RERE: variants seen among roughly 807,000 people sequenced by gnomAD.
The protein encoded by RERE is arginine-glutamic acid dipeptide repeats, also known as arginine-glutamic acid dipeptide repeats protein.
RERE carries 40 observed loss-of-function variants against 146.1 expected under a neutral mutation model. The observed-to-expected ratio is 0.27, with a 90% CI of 0.21 to 0.36. RERE has a LOEUF of 0.36. Ranked by LOEUF, RERE falls within the 10% of genes least tolerant of loss-of-function variation. The pLI, the probability that RERE is intolerant of heterozygous loss-of-function variation, is 1.00. For missense variants in RERE, 1,933 were observed against 2,138.7 expected (o/e 0.90, Z 1.90); for synonymous variants, 1,003 against 866.0 (o/e 1.16, Z -2.78).
intron 1 of RERE, among the ~76,000 whole-genome samples, chr1:8,730,717 C>A (rs1272506236): frequency 1.3e-5 from 2 of 152,212 alleles, no homozygotes; most frequent in African/African-American, 4.8e-5. Flanking sequence ...CAGCTCACTG[C>A]ACCATCTACC....
chr1:8,518,056 G>T (rs554028570), intron 7 of RERE, among the ~76,000 whole-genome samples: 2 of 152,318 alleles, frequency 1.3e-5, no homozygotes, highest in Non-Finnish European at 2.9e-5. Context: ...TCTTCACCCT[G>T]AAGAAAGGGG....
intron 6 of RERE, among the ~76,000 whole-genome samples, chr1:8,542,253 G>T (rs1024428101): frequency 2.6e-5 from 4 of 152,076 alleles, no homozygotes; most frequent in Non-Finnish European, 5.9e-5. Context: ...CTACAGTGAG[G>T]TTAGATGGAA....
intron 4 of RERE, among the ~76,000 whole-genome samples, chr1:8,609,422 T>G (rs1400528852): frequency 6.6e-6 from 1 of 151,802 alleles, no homozygotes; most frequent in African/African-American, 2.4e-5. Flanking sequence ...GTAATCATCT[T>G]TCATTTAGGG....
intron 6 of RERE, among the ~76,000 whole-genome samples, chr1:8,548,749 C>G (rs1412105826): frequency 6.6e-6 from 1 of 152,210 alleles, no homozygotes; most frequent in East Asian, 1.9e-4. Flanking sequence ...CCTCGGGAGG[C>G]TGAGGCGGGT....
chr1:8,659,840 C>G (rs573696769), intron 1 of RERE, among the ~76,000 whole-genome samples: 1 of 152,282 alleles, frequency 6.6e-6, no homozygotes, highest in South Asian at 2.1e-4. Flanking sequence ...ATTGTACATT[C>G]AACACTACTC....
chr1:8,706,844 T>C (rs1639569693), intron 1 of RERE, among the ~76,000 whole-genome samples: 1 of 152,218 alleles, frequency 6.6e-6, no homozygotes, highest in Non-Finnish European at 1.5e-5. Context: ...TGTAAATTAC[T>C]TTGTGAAGAG....
intron 12 of RERE, among the ~76,000 whole-genome samples, chr1:8,370,025 C>T (rs1229641752): frequency 4.6e-5 from 7 of 151,966 alleles, no homozygotes; most frequent in African/African-American, 7.3e-5. Context: ...CTCCTGACCT[C>T]GTTATTTGCC....
intron 7 of RERE, chr1:8,511,739 T>G (rs1437614209): frequency 6.6e-6 from 1 of 151,622 alleles, no homozygotes; most frequent in Non-Finnish European, 1.5e-5. Context: ...TAAGTATCCC[T>G]CCCCTGCTGC....
chr1:8,648,170 A>G (rs1180829116), intron 2 of RERE, among the ~76,000 whole-genome samples: 3 of 152,186 alleles, frequency 2.0e-5, no homozygotes, highest in African/African-American at 7.2e-5. Context: ...AAAATTTTCT[A>G]TAAAAGGAAT....
chr1:8,355,311 T>C, intron 22 of RERE, 108 bp downstream of exon 22: 1 of 1,316,094 alleles, frequency 7.6e-7, no homozygotes, highest in Non-Finnish European at 1.1e-6. Flanking sequence ...CAATGTCCCC[T>C]CCAGGGCCCA....
chr1:8,464,194 ATAAAGT>A (rs756904346), intron 11 of RERE, among the ~76,000 whole-genome samples: 125 of 152,320 alleles, frequency 8.2e-4, no homozygotes, highest in South Asian at 2.1e-4. Context: ...TGTAAGTCTG[ATAAAGT>A]TAAAGTCTTA....
At chr1:8,422,300 C>T (rs2124471805) in intron 12 of RERE, among the ~76,000 whole-genome samples, 1 of 152,200 alleles carries the variant, frequency 6.6e-6, no homozygotes, top group Non-Finnish European at 1.5e-5. Context: ...GGAAAAAATC[C>T]CCCAGAACTC....
chr1:8,486,879 A>AT (rs1319601588), intron 10 of RERE, among the ~76,000 whole-genome samples: 1 of 152,134 alleles, frequency 6.6e-6, no homozygotes, highest in East Asian at 1.9e-4. Context: ...AATCTTTCAT[A>AT]AACATCTTAA....
intron 2 of RERE, among the ~76,000 whole-genome samples, chr1:8,650,998 G>A (rs1197152348): frequency 2.0e-5 from 3 of 152,074 alleles, no homozygotes; most frequent in East Asian, 1.9e-4. Flanking sequence ...TCAGGAGGCT[G>A]AGGCAGGAGA....
Position 8,362,762 on chromosome 1 carries a change from G to C in RERE, c.1823C>G (p.Ser608Cys), listed in dbSNP as rs146743786. ...AGCGCTGGGGGAGTTCCGGCCGCTG[G>C]AGCGGATGTCTTCATTGATGGGTGA... The part of the protein sequence containing the change: ...RTSPINEDIR[S>C]SGRNSPSAAS... The change falls in exon 16 of 23, where the codon TCC (serine) becomes TGC (cysteine). Residue 608 changes from serine (S) to cysteine (C), a missense_variant. Ser to Cys is a moderately radical substitution (Grantham distance 112). Coordinates refer to ENST00000400908, the MANE Select transcript of RERE (RefSeq NM_001042681.2). 1.2e-6 allele frequency: 2 copies of C among 1,614,216 alleles called. No individual in the cohort carries two copies. Among genetic ancestry groups the C allele is most frequent in the South Asian group, 1.1e-5 (1 of 91,088 alleles).
chr1:8,608,790 C>T (rs1279063330), intron 4 of RERE, among the ~76,000 whole-genome samples: 1 of 152,182 alleles, frequency 6.6e-6, no homozygotes, highest in Non-Finnish European at 1.5e-5. Context: ...AAAAGACAGT[C>T]TTAAGAATAA....
At chr1:8,804,119 T>C (rs1163004625) in intron 1 of RERE, among the ~76,000 whole-genome samples, 1 of 152,230 alleles carries the variant, frequency 6.6e-6, no homozygotes, top group Non-Finnish European at 1.5e-5. Flanking sequence ...TCTTTAATCA[T>C]ATGTGTATAA....
chr1:8,578,264 T>C (rs964677458), intron 4 of RERE, among the ~76,000 whole-genome samples: 1 of 152,332 alleles, frequency 6.6e-6, no homozygotes, highest in South Asian at 2.1e-4. Context: ...AGAAGACTAT[T>C]TGGCAGCAAA....
At chr1:8,607,530 A>ATATTTTTTTTTT (rs1646732034) in intron 4 of RERE, among the ~76,000 whole-genome samples, 2 of 57,582 alleles carry the variant, frequency 3.5e-5, no homozygotes, top group East Asian at 9.6e-4. Context: ...TTTTATATAT[A>ATATTTTTTTTTT]TTTCTTTTTT....
Sources: allele counts gnomAD v4.1 joint callset (sites outside exome capture counted in the v4.1 genomes callset), GRCh38; gene constraint gnomAD v4.1.1; transcripts MANE v1.5; gene names NCBI Gene and HGNC (gene_info 2026-07-23, HGNC 2026-07-21).